Variants in PARD3 observed in about 807,000 individuals in gnomAD.
The protein encoded by PARD3 is partitioning defective 3 homolog.
Under a neutral mutation model 155.4 loss-of-function variants are expected in PARD3, and 75 were observed. The observed-to-expected ratio is 0.48, with a 90% CI of 0.40 to 0.58. PARD3 has a LOEUF of 0.58. Ranked by LOEUF, PARD3 falls within the 20% of genes least tolerant of loss-of-function variation. The pLI is 0.00. For missense variants in PARD3, 1,642 were observed against 1,721.7 expected (o/e 0.95, Z 0.82); for synonymous variants, 576 against 610.5 (o/e 0.94, Z 0.83).
chr10:34,248,438 A>T (rs1201057487), intron 22 of PARD3, among the ~76,000 whole-genome samples: 2 of 152,252 alleles, frequency 1.3e-5, no homozygotes, highest in African/African-American at 2.4e-5. Context: ...AATAGCTTCT[A>T]ACACAGATCA....
chr10:34,113,485 C>G (rs1446649150), intron 24 of PARD3, among the ~76,000 whole-genome samples: 1 of 150,524 alleles, frequency 6.6e-6, no homozygotes, highest in Non-Finnish European at 1.5e-5. Context: ...GTAAAATGCA[C>G]ATAAGACAGA....
At chr10:34,547,474 T>A (rs1451846607) in intron 2 of PARD3, among the ~76,000 whole-genome samples, 1 of 152,204 alleles carries the variant, frequency 6.6e-6, no homozygotes, top group Non-Finnish European at 1.5e-5. Flanking sequence ...TTAGCACACA[T>A]AAAATATGGG....
chr10:34,163,405 G>T (rs1038033736), intron 22 of PARD3, among the ~76,000 whole-genome samples: 6 of 152,148 alleles, frequency 3.9e-5, no homozygotes, highest in African/African-American at 1.4e-4. Context: ...GATGAAGAAA[G>T]GGCATGAGAT....
At chr10:34,556,485 C>T (rs1310784342) in intron 2 of PARD3, among the ~76,000 whole-genome samples, 3 of 151,870 alleles carry the variant, frequency 2.0e-5, no homozygotes, top group African/African-American at 7.3e-5. Flanking sequence ...CAGGTTCACG[C>T]CATTCTCTCG....
chr10:34,125,067 C>CTTTTTTTTTTTTT (rs1947204464), intron 23 of PARD3, among the ~76,000 whole-genome samples: 1 of 137,938 alleles, frequency 7.2e-6, no homozygotes, highest in Admixed American at 6.9e-5. Flanking sequence ...AGGTCTATTT[C>CTTTTTTTTTTTTT]TTTCTTTTTT....
chr10:34,476,732 T>C (rs1305827894), intron 3 of PARD3, among the ~76,000 whole-genome samples: 2 of 151,390 alleles, frequency 1.3e-5, no homozygotes, highest in Non-Finnish European at 2.9e-5. Flanking sequence ...ATGAAAAATG[T>C]ACTAGAAAAA....
chr10:34,724,612 A>T (rs1332963850), intron 1 of PARD3, among the ~76,000 whole-genome samples: 1 of 152,256 alleles, frequency 6.6e-6, no homozygotes, highest in Non-Finnish European at 1.5e-5. Context: ...AATATATATA[A>T]GCTAAACTGG....
At chr10:34,695,861 C>T (rs1028285419) in intron 2 of PARD3, among the ~76,000 whole-genome samples, 1 of 152,212 alleles carries the variant, frequency 6.6e-6, no homozygotes, top group Non-Finnish European at 1.5e-5. Flanking sequence ...CTGGGACACA[C>T]TCGCCCACTG....
intron 22 of PARD3, among the ~76,000 whole-genome samples, chr10:34,202,926 G>T (rs1951286504): frequency 6.6e-6 from 1 of 152,146 alleles, no homozygotes; most frequent in Non-Finnish European, 1.5e-5. Flanking sequence ...TACTGAGCTG[G>T]CTGTGATTGA....
chr10:34,394,237 G>A (rs1456942502), intron 7 of PARD3, among the ~76,000 whole-genome samples: 3 of 152,110 alleles, frequency 2.0e-5, no homozygotes, highest in South Asian at 4.1e-4. Context: ...TGTTGGCCAC[G>A]CTGGTCTCGC....
At chr10:34,687,061 C>T (rs559221230) in intron 2 of PARD3, among the ~76,000 whole-genome samples, 1 of 151,896 alleles carries the variant, frequency 6.6e-6, no homozygotes, top group South Asian at 2.1e-4. Flanking sequence ...AAAAAATAAA[C>T]AAATAAAATA....
intron 1 of PARD3, among the ~76,000 whole-genome samples, chr10:34,799,466 C>G (rs1056710417): frequency 1.3e-5 from 2 of 152,188 alleles, no homozygotes; most frequent in African/African-American, 2.4e-5. Flanking sequence ...GGGTCTTTGA[C>G]AGCTAGCCAT....
In PARD3 at chr10:34,348,343, C is replaced by T. The variant is rs190274544; in HGVS notation, c.2068-228G>A. ...CCATGAAGTTCTGTCAGATTTCAACCGCTGGAGGAAAAATATGTATATTTA... is the reference window on the plus strand; with the variant it reads ...CCATGAAGTTCTGTCAGATTTCAACTGCTGGAGGAAAAATATGTATATTTA... On this transcript the variant is annotated intron_variant, in intron 14 of 24. Transcript: ENST00000374788. 1.1e-4 allele frequency among the ~76,000 whole-genome samples: 16 copies of T among 152,252 alleles called. No individual in the cohort carries two copies. In the East Asian group the frequency reaches 2.7e-3, roughly 26 times the overall value.
intron 2 of PARD3, among the ~76,000 whole-genome samples, chr10:34,656,034 G>A (rs992947857): frequency 1.4e-4 from 22 of 152,202 alleles, no homozygotes; most frequent in Non-Finnish European, 3.1e-4. Flanking sequence ...AGGATGACTT[G>A]GGAATGGCTC....
chr10:34,287,079 C>T (rs1373093691), intron 20 of PARD3, among the ~76,000 whole-genome samples: 1 of 151,940 alleles, frequency 6.6e-6, no homozygotes, highest in Non-Finnish European at 1.5e-5. Context: ...ATCATAACGG[C>T]AAAAATTCAA....
Position 34,109,575 on chromosome 10 carries a change from T to C in PARD3, c.*1594A>G, listed in dbSNP as rs1462939354. On this transcript the variant is annotated 3_prime_UTR_variant, in exon 25 of 25. Coordinates refer to ENST00000374788, the MANE Select transcript of PARD3 (RefSeq NM_001184785.2). Reference sequence around the variant, plus strand: ...GACACCAAAAGAACAGGAAGAAATATGCCTTTTATTAGGAGTTGCATATGT... The same window carrying C: ...GACACCAAAAGAACAGGAAGAAATACGCCTTTTATTAGGAGTTGCATATGT... 5 of 151,762 alleles carry C rather than the reference T, an allele frequency of 3.3e-5. No homozygotes were observed. In the East Asian group the frequency reaches 7.8e-4, roughly 24 times the overall value. 9.4% of individuals were successfully genotyped at this position (151,762 alleles called of 1,614,324 possible).
intron 1 of PARD3, among the ~76,000 whole-genome samples, chr10:34,804,575 T>G (rs1744838075): frequency 6.6e-6 from 1 of 152,242 alleles, no homozygotes; most frequent in Non-Finnish European, 1.5e-5. Flanking sequence ...GGCTAACCAT[T>G]ATTCACATAT....
intron 2 of PARD3, among the ~76,000 whole-genome samples, chr10:34,598,186 G>T (rs1396279035): frequency 6.6e-6 from 1 of 152,182 alleles, no homozygotes; most frequent in Admixed American, 6.5e-5. Flanking sequence ...AGAAGAGAAG[G>T]AATTCTAGCA....
At chr10:34,276,556 T>C (rs540492336) in intron 21 of PARD3, among the ~76,000 whole-genome samples, 1 of 152,326 alleles carries the variant, frequency 6.6e-6, no homozygotes, top group Admixed American at 6.5e-5. Context: ...TTACAATAAA[T>C]GGCTTTTAGC....
Sources: allele counts gnomAD v4.1 joint callset (sites outside exome capture counted in the v4.1 genomes callset), GRCh38; gene constraint gnomAD v4.1.1; transcripts MANE v1.5; gene names NCBI Gene and HGNC (gene_info 2026-07-23, HGNC 2026-07-21).